The following GRIN3A variants were observed in gnomAD, a reference collection of about 807,000 sequenced individuals.
The protein encoded by GRIN3A is glutamate ionotropic receptor NMDA type subunit 3A, also known as glutamate receptor ionotropic, NMDA 3A.
A neutral mutation model predicts 92.4 loss-of-function variants in GRIN3A; 47 were observed. That is an observed-to-expected ratio of 0.51 (90% CI 0.40 to 0.65). GRIN3A has a LOEUF of 0.65. GRIN3A is among the 30% of genes least tolerant of loss of function. The pLI is 0.00. For synonymous variants in GRIN3A, 527 were observed against 540.6 expected, an observed-to-expected ratio of 0.97 and a Z score of 0.35; for missense variants, 1,324 against 1,393.1, an observed-to-expected ratio of 0.95 and a Z score of 0.79.
chr9:101,625,128 C>T (rs145930030), intron 4 of GRIN3A, among the ~76,000 whole-genome samples: 1,555 of 152,272 alleles, frequency 0.01, 9 homozygotes, highest in Middle Eastern at 0.017. Flanking sequence ...CTTTCTATCT[C>T]ATGCGATGAC....
chr9:101,667,805 A>T (rs1023795134), intron 3 of GRIN3A, among the ~76,000 whole-genome samples: 1 of 152,076 alleles, frequency 6.6e-6, no homozygotes, highest in Non-Finnish European at 1.5e-5. Context: ...AAAAAATTCT[A>T]TCACAACAAT....
In GRIN3A at chr9:101,672,670, C is replaced by T. The variant is rs555174652; in HGVS notation, c.1305-1563G>A. Reference sequence around the variant, plus strand: ...TAGAAAAATCAGAAAGTGTGAAGTACGTACTAATTTTCATTAGAGATATAA... The same window carrying T: ...TAGAAAAATCAGAAAGTGTGAAGTATGTACTAATTTTCATTAGAGATATAA... On this transcript the variant is annotated intron_variant, in intron 2 of 8. Coordinates refer to ENST00000361820, the MANE Select transcript of GRIN3A (RefSeq NM_133445.3). Among the ~76,000 whole-genome samples the T allele has an allele frequency of 7.9e-4, 120 of 152,144 alleles. 1 individual carries two copies. The Middle Eastern group carries it at 0.014, about 17-fold the overall frequency.
At chr9:101,722,285 A>G (rs1292294103) in intron 1 of GRIN3A, among the ~76,000 whole-genome samples, 1 of 152,242 alleles carries the variant, frequency 6.6e-6, no homozygotes, top group East Asian at 1.9e-4. Context: ...CTCTGCCTAA[A>G]TTTCAGAAGA....
rs535874239 is a variant in GRIN3A, at chr9:101,591,660, A to T, written c.2767-12300T>A. ...ATCATCATCCCAAGAAACTGTATAG[A>T]ACTAGATTTGTTGGCAACTGGCAAT... is the stretch of plus-strand genomic sequence containing the variant. On this transcript the variant is annotated intron_variant, in intron 6 of 8. Transcript: ENST00000361820. 2.6e-5 allele frequency: 4 copies of T among 152,254 alleles called. No individual in the cohort carries two copies. In the South Asian group the frequency reaches 8.3e-4, roughly 31 times the overall value. The allele number at this position is 152,254 out of a possible 1,614,324, so 9.4% of individuals were successfully genotyped here. A position where few individuals can be genotyped will look rare whatever the true frequency, so the allele number is the denominator to read the frequency against.
intron 6 of GRIN3A, among the ~76,000 whole-genome samples, chr9:101,596,966 C>G (rs1564122493): frequency 6.6e-6 from 1 of 152,150 alleles, no homozygotes; most frequent in Non-Finnish European, 1.5e-5. Context: ...AGTACGGGAC[C>G]TTATGAGACT....
intron 2 of GRIN3A, among the ~76,000 whole-genome samples, chr9:101,683,164 G>C (rs1014971543): frequency 6.6e-6 from 1 of 152,122 alleles, no homozygotes; most frequent in East Asian, 1.9e-4. Flanking sequence ...TGTGTAGTCT[G>C]CCATGAGAAA....
At chr9:101,600,276 A>G (rs1828194687) in intron 6 of GRIN3A, among the ~76,000 whole-genome samples, 1 of 152,186 alleles carries the variant, frequency 6.6e-6, no homozygotes, top group Non-Finnish European at 1.5e-5. Context: ...AAACTCAAGT[A>G]GACTGTATGC....
chr9:101,631,832 C>G (rs1011791240), intron 3 of GRIN3A, among the ~76,000 whole-genome samples: 6 of 152,218 alleles, frequency 3.9e-5, no homozygotes, highest in Non-Finnish European at 7.3e-5. Context: ...TTTGCAAACA[C>G]TGCCACTGCT....
chr9:101,707,504 G>T (rs1829827409), intron 1 of GRIN3A, among the ~76,000 whole-genome samples: 1 of 152,142 alleles, frequency 6.6e-6, no homozygotes, highest in African/African-American at 2.4e-5. Flanking sequence ...GTCCTCTGAA[G>T]TATTCCAGAT....
intron 3 of GRIN3A, among the ~76,000 whole-genome samples, chr9:101,636,258 G>A (rs1378923434): frequency 1.3e-5 from 2 of 152,136 alleles, no homozygotes; most frequent in Non-Finnish European, 2.9e-5. Context: ...CAGACTTTGT[G>A]TATCTGCCAT....
chr9:101,717,777 G>A (rs2119023331), intron 1 of GRIN3A, among the ~76,000 whole-genome samples: 1 of 152,202 alleles, frequency 6.6e-6, no homozygotes, highest in East Asian at 1.9e-4. Flanking sequence ...GAAAGCAGTG[G>A]TTCAAAGATG....
intron 1 of GRIN3A, among the ~76,000 whole-genome samples, chr9:101,724,651 G>C (rs539366234): frequency 6.6e-6 from 1 of 152,344 alleles, no homozygotes; most frequent in East Asian, 1.9e-4. Context: ...GGGCTGTGAG[G>C]ACTGCCAGCA....
At chr9:101,612,340 A>G (rs1828378890) in intron 6 of GRIN3A, among the ~76,000 whole-genome samples, 1 of 152,228 alleles carries the variant, frequency 6.6e-6, no homozygotes, top group Non-Finnish European at 1.5e-5. Flanking sequence ...TTCCAGAATG[A>G]GTAACTAGAT....
chr9:101,605,754 T>C (rs559071715), intron 6 of GRIN3A, among the ~76,000 whole-genome samples: 7 of 152,304 alleles, frequency 4.6e-5, no homozygotes, highest in South Asian at 2.1e-4. Flanking sequence ...TGATTTACTT[T>C]TGGACTGTTT....
chr9:101,721,901 A>T (rs921494764), intron 1 of GRIN3A, among the ~76,000 whole-genome samples: 2 of 152,230 alleles, frequency 1.3e-5, no homozygotes, highest in African/African-American at 4.8e-5. Flanking sequence ...TTGCTGCCTG[A>T]TGATGCAGTG....
intron 8 of GRIN3A, among the ~76,000 whole-genome samples, chr9:101,575,480 C>G (rs1452003475): frequency 1.3e-5 from 2 of 152,068 alleles, no homozygotes; most frequent in Non-Finnish European, 2.9e-5. Context: ...TGATTGGGAA[C>G]CCAGTGAGAT....
chr9:101,725,781 G>C (rs1426222461), intron 1 of GRIN3A, among the ~76,000 whole-genome samples: 1 of 152,132 alleles, frequency 6.6e-6, no homozygotes, highest in African/African-American at 2.4e-5. Flanking sequence ...TCCTATCTCA[G>C]GGTCTTTTTA....
At chr9:101,642,843 G>C (rs1196016942) in intron 3 of GRIN3A, among the ~76,000 whole-genome samples, 1 of 152,078 alleles carries the variant, frequency 6.6e-6, no homozygotes, top group African/African-American at 2.4e-5. Context: ...TAATGATTCT[G>C]TTATGAGAAT....
At chr9:101,677,913 C>T (rs987761745) in intron 2 of GRIN3A, among the ~76,000 whole-genome samples, 1 of 152,118 alleles carries the variant, frequency 6.6e-6, no homozygotes, top group African/African-American at 2.4e-5. Flanking sequence ...GTTTATTTAT[C>T]TCATCTTTGA....
Sources: gnomAD v4.1 joint callset for allele counts (sites outside exome capture counted in the v4.1 genomes callset) on GRCh38, gnomAD v4.1.1 for gene constraint, MANE v1.5 for transcripts, NCBI Gene and HGNC (gene_info 2026-07-23, HGNC 2026-07-21) for gene names.